NEK9: variants seen among roughly 807,000 people sequenced by gnomAD.
NEK9 encodes serine/threonine-protein kinase Nek9.
A neutral mutation model predicts 123.4 loss-of-function variants in NEK9; 75 were observed. That is an observed-to-expected ratio of 0.61 (90% CI 0.50 to 0.74). The LOEUF is 0.74. Ranked by LOEUF, NEK9 falls within the 30% of genes least tolerant of loss-of-function variation. The probability of loss-of-function intolerance (pLI) is 0.00; values close to 1 mark genes in which losing one functional copy is unlikely to be tolerated. For missense variants in NEK9, 952 were observed against 1,214.4 expected (o/e 0.78, Z 3.21); for synonymous variants, 438 against 458.7 (o/e 0.95, Z 0.58).
At chr14:75,118,186 C>G (rs1010263929) in intron 5 of NEK9, among the ~76,000 whole-genome samples, 4 of 152,100 alleles carry the variant, frequency 2.6e-5, no homozygotes, top group African/African-American at 4.8e-5. Flanking sequence ...AAATTGCTTG[C>G]AGGCAAACCT....
At chr14:75,120,658 A>G (rs955698349) in intron 3 of NEK9, 78 bp from the exon 4 acceptor site, 18 of 1,023,810 alleles carry the variant, frequency 1.8e-5, no homozygotes, top group Admixed American at 4.5e-5. Flanking sequence ...TAAACAAACA[A>G]AACAAAGAAA....
chr14:75,114,134 GC>G, intron 7 of NEK9, 68 bp downstream of exon 7: 1 of 1,088,436 alleles, frequency 9.2e-7, no homozygotes, highest in Non-Finnish European at 1.4e-6. Context: ...TTATAGCTAT[GC>G]CATACACCAA....
At chr14:75,107,061 T>C (rs175468) in intron 11 of NEK9, among the ~76,000 whole-genome samples, 149,175 of 152,152 alleles carry the variant, frequency 0.98, 73,186 homozygotes, top group East Asian at 1. Flanking sequence ...TTTGTGTTAT[T>C]CATAGCCTGA....
At chr14:75,104,062 A>C (rs567856620) in intron 13 of NEK9, 65 bp from the exon 14 acceptor site, 16 of 1,472,334 alleles carry the variant, frequency 1.1e-5, no homozygotes, top group African/African-American at 1.4e-5. Context: ...AAAAGCTCTC[A>C]AATTCTTTCA....
Position 75,084,380 on chromosome 14 carries a change from T to G in NEK9, c.*184A>C. ...CCATTCTCCAAAACAATAAAATCACTCCTAGATCCTATCTAAAAGGCAATG... is the reference window on the plus strand; with the variant it reads ...CCATTCTCCAAAACAATAAAATCACGCCTAGATCCTATCTAAAAGGCAATG... On this transcript the variant is annotated 3_prime_UTR_variant, in exon 22 of 22. Transcript: ENST00000238616. The G allele has an allele frequency of 1.4e-6, 1 of 700,582 alleles. No homozygotes were observed. The highest frequency in any genetic ancestry group is 2.6e-5 in the East Asian group (1 of 37,834). The allele number at this position is 700,582 out of a possible 1,614,324, so 43.4% of individuals were successfully genotyped here.
At chr14:75,104,101 A>G (rs1012679857) in intron 13 of NEK9, 104 bp from the exon 14 acceptor site, 4 of 1,198,120 alleles carry the variant, frequency 3.3e-6, no homozygotes, top group Non-Finnish European at 4.6e-6. Context: ...TAGCAGAATG[A>G]CTACAGGAAA....
rs956042163 is a variant in NEK9 at position 75,084,101 on chromosome 14, C to G, written c.*463G>C. On this transcript the variant is annotated 3_prime_UTR_variant, in exon 22 of 22. Transcript: ENST00000238616. Reference sequence around the variant, plus strand: ...TCACCACTCTGCAGAGGACACTGGGCGGGCCACACCTGATTCCAGCCCACT... The same window carrying G: ...TCACCACTCTGCAGAGGACACTGGGGGGGCCACACCTGATTCCAGCCCACT... The G allele has an allele frequency of 5.7e-6, 1 of 176,192 alleles. No homozygotes were observed. Among genetic ancestry groups the G allele is most frequent in the Non-Finnish European group, 1.2e-5 (1 of 81,076 alleles). The allele number at this position is 176,192 out of a possible 1,614,324, so 10.9% of individuals were successfully genotyped here. A position where few individuals can be genotyped will look rare whatever the true frequency, so the allele number is the denominator to read the frequency against.
chr14:75,102,973 C>G (rs769610085), intron 14 of NEK9, among the ~76,000 whole-genome samples: 2 of 150,688 alleles, frequency 1.3e-5, no homozygotes, highest in Non-Finnish European at 2.9e-5. Flanking sequence ...TGTTCTCACT[C>G]ATAGGTGGGA....
Position 75,101,093 on chromosome 14 carries a change from T to C in NEK9, c.1901A>G (p.Tyr634Cys). The change falls in exon 16 of 22, where the codon TAC becomes TGC. Residue 634 changes from tyrosine to cysteine, a missense_variant. Transcript: ENST00000238616. ...CAGGTTGATTCCCAGACGCTTCTTG[T>C]AGTTCCCAACGCCCAGCTGCCCACA... Reference protein sequence around the residue: ...NKCGQLGVGNYKKRLGINLLG... With the variant: ...NKCGQLGVGNCKKRLGINLLG... 4.3e-6 allele frequency: 7 copies of C among 1,614,230 alleles called. No homozygotes were observed. The highest frequency in any genetic ancestry group is 5.1e-6 in the Non-Finnish European group (6 of 1,180,044).
chr14:75,117,028 C>T (rs927643389), intron 6 of NEK9, among the ~76,000 whole-genome samples, 167 bp downstream of exon 6: 3 of 152,124 alleles, frequency 2.0e-5, no homozygotes, highest in African/African-American at 4.8e-5. Context: ...TGAGCCACTG[C>T]GCCTGGCTGG....
chr14:75,107,342 C>T lies in NEK9; in HGVS notation c.1327+1G>A. On this transcript the variant is annotated splice_donor_variant, in intron 11 of 21. Transcript: ENST00000238616. LOFTEE classifies it high-confidence loss of function. Reference sequence around the variant, plus strand: ...TAAGACACTTTCTGCTGATGGCTTACCAGTCACACAGACAGTGAAATCATC... The same window carrying T: ...TAAGACACTTTCTGCTGATGGCTTATCAGTCACACAGACAGTGAAATCATC... The T allele has an allele frequency of 1.2e-6, 2 of 1,611,758 alleles. No individual in the cohort carries two copies. Among genetic ancestry groups the T allele is most frequent in the Non-Finnish European group, 1.7e-6 (2 of 1,179,148 alleles).
intron 10 of NEK9, 97 bp from the exon 11 acceptor site, chr14:75,107,584 G>T: frequency 2.9e-6 from 3 of 1,044,736 alleles, no homozygotes; most frequent in Non-Finnish European, 4.0e-6. Context: ...GCCCAAGCTG[G>T]TCTTGAACTC....
chr14:75,124,279 C>A, intron 1 of NEK9, 56 bp from the exon 2 acceptor site: 2 of 1,521,026 alleles, frequency 1.3e-6, no homozygotes, highest in South Asian at 1.2e-5. Context: ...GCAAATGAAT[C>A]CACACCTAGA....
chr14:75,088,740 A>G, intron 19 of NEK9, 99 bp from the exon 20 acceptor site: 1 of 1,095,178 alleles, frequency 9.1e-7, no homozygotes. Flanking sequence ...TCATGACTTC[A>G]GCACCCTCTA....
chr14:75,101,633 T>A (rs768269194), intron 15 of NEK9, 24 bp downstream of exon 15: 1 of 1,513,018 alleles, frequency 6.6e-7, no homozygotes, highest in Non-Finnish European at 9.2e-7. Flanking sequence ...CTAAGGCATG[T>A]GATACAGTTG....
intron 14 of NEK9, 68 bp downstream of exon 14, chr14:75,103,774 C>A: frequency 6.7e-7 from 1 of 1,487,616 alleles, no homozygotes; most frequent in South Asian, 1.3e-5. Flanking sequence ...CCAATAATGG[C>A]ATCTCAAAGA....
chr14:75,125,898 G>A (rs1467862479), intron 1 of NEK9, among the ~76,000 whole-genome samples: 1 of 152,114 alleles, frequency 6.6e-6, no homozygotes, highest in Non-Finnish European at 1.5e-5. Flanking sequence ...CTAGTGTATC[G>A]TTAGTTTTTG....
At chr14:75,086,400 G>A (rs201029200) in intron 21 of NEK9, 1 of 150,778 alleles carries the variant, frequency 6.6e-6, no homozygotes, top group African/African-American at 2.5e-5. Flanking sequence ...TACTAGATGA[G>A]AATTGACAAT....
chr14:75,085,352 TA>T (rs1367701816), intron 21 of NEK9, among the ~76,000 whole-genome samples: 1 of 152,214 alleles, frequency 6.6e-6, no homozygotes, highest in Non-Finnish European at 1.5e-5. Context: ...CAAAGAACCA[TA>T]CAAGGTGTCT....
Sources: gnomAD v4.1 joint callset for allele counts (sites outside exome capture counted in the v4.1 genomes callset) on GRCh38, gnomAD v4.1.1 for gene constraint, MANE v1.5 for transcripts, NCBI Gene and HGNC (gene_info 2026-07-23, HGNC 2026-07-21) for gene names.